The following SSBP2 variants were observed in gnomAD, a reference collection of about 807,000 sequenced individuals.
SSBP2 encodes single stranded DNA binding protein 2, also known as single-stranded DNA-binding protein 2.
A neutral mutation model predicts 61.8 loss-of-function variants in SSBP2; 17 were observed. The observed-to-expected ratio is 0.28, with a 90% CI of 0.19 to 0.41. SSBP2 has a LOEUF of 0.41. Among genes scored for constraint, SSBP2 ranks in the 10% least tolerant of loss-of-function variants. The pLI is 1.00. For missense variants in SSBP2, 310 were observed against 458.7 expected, an observed-to-expected ratio of 0.68 and a Z score of 2.96; for synonymous variants, 139 against 141.3, an observed-to-expected ratio of 0.98 and a Z score of 0.12.
intron 5 of SSBP2, among the ~76,000 whole-genome samples, chr5:81,498,697 T>C (rs887791340): frequency 2.0e-5 from 3 of 152,054 alleles, no homozygotes; most frequent in Non-Finnish European, 4.4e-5. Flanking sequence ...AGATTTCTAT[T>C]CTGTATGTTG....
At chr5:81,703,183 T>C (rs1485055104) in intron 1 of SSBP2, among the ~76,000 whole-genome samples, 1 of 152,242 alleles carries the variant, frequency 6.6e-6, no homozygotes. Flanking sequence ...TACATAGCCT[T>C]TTCTAATTAA....
At chr5:81,622,798 G>T (rs1379390942) in intron 3 of SSBP2, among the ~76,000 whole-genome samples, 1 of 152,120 alleles carries the variant, frequency 6.6e-6, no homozygotes, top group Non-Finnish European at 1.5e-5. Flanking sequence ...TCTCAGCTAG[G>T]AGAAAACATT....
intron 1 of SSBP2, among the ~76,000 whole-genome samples, chr5:81,723,029 T>C (rs1200656323): frequency 2.6e-5 from 4 of 151,944 alleles, no homozygotes; most frequent in Non-Finnish European, 5.9e-5. Flanking sequence ...ATGTGAAAAA[T>C]TAACTTAAAG....
chr5:81,605,134 ATC>A (rs1461090757), intron 4 of SSBP2, among the ~76,000 whole-genome samples: 7 of 152,132 alleles, frequency 4.6e-5, no homozygotes, highest in African/African-American at 1.4e-4. Context: ...ACCCTTATAA[ATC>A]TGTTTTAACT....
In SSBP2 at chr5:81,417,690, C is replaced by G. The variant is rs1431497244; in HGVS notation, c.*2814G>C. On this transcript the variant is annotated 3_prime_UTR_variant, in exon 17 of 17. Transcript: ENST00000320672. Reference sequence around the variant, plus strand: ...AAAAATTAATATACAGATATACTGTCTTCCATTCAGTGCATGAAAGAATTA... The same window carrying G: ...AAAAATTAATATACAGATATACTGTGTTCCATTCAGTGCATGAAAGAATTA... The G allele has an allele frequency of 1.3e-5, 2 of 152,176 alleles. No homozygotes were observed. The highest frequency in any genetic ancestry group is 4.8e-5 in the African/African-American group (2 of 41,460). 9.4% of individuals were successfully genotyped at this position (152,176 alleles called of 1,614,324 possible).
At chr5:81,430,035 A>G (rs933647697) in intron 15 of SSBP2, among the ~76,000 whole-genome samples, 6 of 152,190 alleles carry the variant, frequency 3.9e-5, no homozygotes, top group African/African-American at 7.2e-5. Context: ...TATATAGAAA[A>G]GCAACTATAC....
chr5:81,559,964 G>A (rs879934883), intron 4 of SSBP2, among the ~76,000 whole-genome samples: 2 of 152,042 alleles, frequency 1.3e-5, no homozygotes, highest in Non-Finnish European at 2.9e-5. Context: ...ACTATACTGA[G>A]TAAATACATA....
chr5:81,449,401 G>C (rs549803686), intron 10 of SSBP2, among the ~76,000 whole-genome samples: 69 of 152,200 alleles, frequency 4.5e-4, no homozygotes, highest in African/African-American at 1.7e-3. Context: ...TTAAAAGTAA[G>C]CCCTCGAGTA....
intron 4 of SSBP2, among the ~76,000 whole-genome samples, chr5:81,542,692 A>G (rs1195058083): frequency 3.3e-5 from 5 of 151,980 alleles, no homozygotes. Context: ...TAATCCTCAT[A>G]ATCCCCATGT....
chr5:81,542,946 C>T (rs538944632), intron 4 of SSBP2, among the ~76,000 whole-genome samples: 16 of 151,982 alleles, frequency 1.1e-4, no homozygotes, highest in Admixed American at 9.2e-4. Context: ...CCTCTGCCTC[C>T]CGGGCTGAAG....
upstream of SSBP2, among the ~76,000 whole-genome samples, chr5:81,751,430 C>G (rs1054786826): frequency 1.3e-5 from 2 of 152,180 alleles, no homozygotes; most frequent in Non-Finnish European, 2.9e-5. Context: ...TTCTCTCCGC[C>G]GCCACCCCTC....
intron 3 of SSBP2, among the ~76,000 whole-genome samples, chr5:81,630,513 G>A (rs1747600406): frequency 1.3e-5 from 2 of 151,820 alleles, no homozygotes; most frequent in African/African-American, 4.8e-5. Context: ...GTAGCTTTAG[G>A]GGAAAAAATA....
At chr5:81,722,052 T>C (rs1043339065) in intron 1 of SSBP2, among the ~76,000 whole-genome samples, 4 of 152,092 alleles carry the variant, frequency 2.6e-5, no homozygotes, top group Non-Finnish European at 5.9e-5. Context: ...CACTCTAGCA[T>C]TCCTTCAACT....
At chr5:81,659,626 G>T (rs1750518031) in intron 1 of SSBP2, among the ~76,000 whole-genome samples, 1 of 151,958 alleles carries the variant, frequency 6.6e-6, no homozygotes, top group Non-Finnish European at 1.5e-5. Context: ...TTCCCATCAA[G>T]CTACCATTGA....
chr5:81,576,399 T>C (rs375838380), intron 4 of SSBP2, among the ~76,000 whole-genome samples: 1 of 152,154 alleles, frequency 6.6e-6, no homozygotes, highest in Admixed American at 6.5e-5. Flanking sequence ...AAGTGTCTTA[T>C]ATAAACTCAT....
intron 2 of SSBP2, among the ~76,000 whole-genome samples, chr5:81,643,595 C>CTTT (rs368511957): frequency 0.011 from 634 of 59,512 alleles, no homozygotes; most frequent in East Asian, 0.029. Context: ...TTTTTCCTTT[C>CTTT]TTTTTTTTTT....
chr5:81,508,824 A>G (rs1768379407), intron 5 of SSBP2, among the ~76,000 whole-genome samples: 1 of 152,168 alleles, frequency 6.6e-6, no homozygotes, highest in Non-Finnish European at 1.5e-5. Flanking sequence ...GAGTATGATC[A>G]CAAAGTAAGT....
At chr5:81,727,306 T>C (rs1356965500) in intron 1 of SSBP2, among the ~76,000 whole-genome samples, 1 of 152,130 alleles carries the variant, frequency 6.6e-6, no homozygotes, top group Non-Finnish European at 1.5e-5. Flanking sequence ...TTCCAGCACT[T>C]TGGGAGGCCG....
At position 81,455,625 on chromosome 5, in the gene SSBP2, C is replaced by CAA. The variant is rs537363119; in HGVS notation, c.687+5428_687+5429dup. 6.5e-3 allele frequency among the ~76,000 whole-genome samples: 82 copies of CAA among 12,566 alleles called. 16 individuals are homozygous for CAA. Among genetic ancestry groups the CAA allele is most frequent in the East Asian group, 0.059 (21 of 358 alleles). 8.2% of individuals were successfully genotyped at this position (12,566 alleles called of 152,430 possible). ...TGGGCGACAGAGCGAGACTCCGTCT[C>CAA]AAAAAAAAAAAAAAAAAAAAAAAAA... On this transcript the variant is annotated intron_variant, in intron 10 of 16. Transcript: ENST00000320672.
Sources: allele counts gnomAD v4.1 joint callset (sites outside exome capture counted in the v4.1 genomes callset), GRCh38; gene constraint gnomAD v4.1.1; transcripts MANE v1.5; gene names NCBI Gene and HGNC (gene_info 2026-07-23, HGNC 2026-07-21).